The following MARCHF11 variants were observed in gnomAD, a reference collection of about 807,000 sequenced individuals.
The protein encoded by MARCHF11 is membrane associated ring-CH-type finger 11, also known as E3 ubiquitin-protein ligase MARCHF11.
In MARCHF11, 29 loss-of-function variants were observed where a neutral mutation model predicts 37.3. The observed-to-expected ratio is 0.78, with a 90% CI of 0.58 to 1.06. The LOEUF (loss-of-function observed/expected upper bound fraction) is 1.06, where lower values mean the gene tolerates loss of function less well. Among genes scored for constraint, MARCHF11 ranks in the 50% least tolerant of loss-of-function variants. The probability of loss-of-function intolerance (pLI) is 0.00; values close to 1 mark genes in which losing one functional copy is unlikely to be tolerated. For missense variants in MARCHF11, 482 were observed against 533.4 expected, an observed-to-expected ratio of 0.90 and a Z score of 0.95; for synonymous variants, 233 against 228.0, an observed-to-expected ratio of 1.02 and a Z score of -0.20.
Position 16,166,462 on chromosome 5 carries a change from T to TTACAG in MARCHF11, c.693+11263_693+11264insCTGTA, listed in dbSNP as rs1553998959. Among the ~76,000 whole-genome samples the TTACAG allele has an allele frequency of 1.1e-3, 161 of 151,682 alleles. 2 individuals carry two copies. The East Asian group carries it at 0.027, about 26-fold the overall frequency. ...ATAAAATGGATCATGTGATACTTGA[T>TTACAG]TAGAGTACATTGATATAAACTCATG... On this transcript the variant is annotated intron_variant, in intron 2 of 3. Coordinates refer to ENST00000332432, the MANE Select transcript of MARCHF11 (RefSeq NM_001102562.3).
At chr5:16,105,558 T>C (rs190255855) in intron 2 of MARCHF11, among the ~76,000 whole-genome samples, 7 of 152,248 alleles carry the variant, frequency 4.6e-5, no homozygotes, top group East Asian at 3.9e-4. Context: ...CAGGCAGAAA[T>C]GTACTGAGAT....
chr5:16,132,456 A>G (rs1009786627), intron 2 of MARCHF11, among the ~76,000 whole-genome samples: 2 of 152,202 alleles, frequency 1.3e-5, no homozygotes, highest in African/African-American at 4.8e-5. Context: ...ACCCTTCTAC[A>G]GTGCCTGACA....
At chr5:16,141,371 G>T (rs1158975418) in intron 2 of MARCHF11, 1 of 152,142 alleles carries the variant, frequency 6.6e-6, no homozygotes, top group Non-Finnish European at 1.5e-5. Flanking sequence ...AAGCCAAGAG[G>T]CATTTAGCAG....
Position 16,140,613 on chromosome 5 carries a change from A to G in MARCHF11, c.693+37113T>C, listed in dbSNP as rs1737686879. ...GGTTTTGAACCTTTCTATGAAATCG[A>G]CATAACCTCTACACCAACCCCCTAC... On this transcript the variant is annotated intron_variant, in intron 2 of 3. Transcript: ENST00000332432. Among the ~76,000 whole-genome samples the G allele has an allele frequency of 2.0e-5, 3 of 152,172 alleles. No homozygotes were observed. The South Asian group carries it at 6.2e-4, about 32-fold the overall frequency.
intron 2 of MARCHF11, among the ~76,000 whole-genome samples, chr5:16,101,028 T>C (rs530679859): frequency 6.6e-6 from 1 of 151,808 alleles, no homozygotes; most frequent in East Asian, 1.9e-4. Context: ...GACTACAGGG[T>C]ACAGAGTCCA....
intron 2 of MARCHF11, among the ~76,000 whole-genome samples, chr5:16,130,251 T>TACACACACACAC (rs56978661): frequency 1.9e-4 from 27 of 144,294 alleles, no homozygotes; most frequent in Middle Eastern, 3.2e-3. Context: ...TCCAGGTACA[T>TACACACACACAC]ACACACACAC....
chr5:16,156,017 A>T (rs760918005), intron 2 of MARCHF11, among the ~76,000 whole-genome samples: 37 of 151,972 alleles, frequency 2.4e-4, no homozygotes, highest in Non-Finnish European at 5.0e-4. Context: ...TGTTGAGATT[A>T]GCTTAAAGTA....
chr5:16,147,058 G>A (rs952997973), intron 2 of MARCHF11, among the ~76,000 whole-genome samples: 1 of 152,100 alleles, frequency 6.6e-6, no homozygotes, highest in Non-Finnish European at 1.5e-5. Context: ...TTTATCAAAA[G>A]AAAGGAATAT....
chr5:16,154,020 A>G (rs1737929282), intron 2 of MARCHF11, among the ~76,000 whole-genome samples: 1 of 151,942 alleles, frequency 6.6e-6, no homozygotes, highest in South Asian at 2.1e-4. Context: ...GGACAACGAG[A>G]TAGGAGAGCC....
At chr5:16,095,030 TAC>T (rs142436868) in intron 2 of MARCHF11, among the ~76,000 whole-genome samples, 2,554 of 152,252 alleles carry the variant, frequency 0.017, 76 homozygotes, top group African/African-American at 0.058. Context: ...GGAGCTGAGG[TAC>T]AAACCCAGGT....
At chr5:16,088,332 A>T (rs1258834423) in intron 3 of MARCHF11, among the ~76,000 whole-genome samples, 1 of 152,198 alleles carries the variant, frequency 6.6e-6, no homozygotes, top group Non-Finnish European at 1.5e-5. Flanking sequence ...TGGGGAAGGA[A>T]AGTGGGTGAC....
At chr5:16,113,582 G>A (rs949539857) in intron 2 of MARCHF11, among the ~76,000 whole-genome samples, 1 of 152,110 alleles carries the variant, frequency 6.6e-6, no homozygotes, top group South Asian at 2.1e-4. Context: ...GCTATTAAAG[G>A]AGAATAATTG....
At chr5:16,135,724 C>A (rs1460952010) in intron 2 of MARCHF11, among the ~76,000 whole-genome samples, 1 of 152,004 alleles carries the variant, frequency 6.6e-6, no homozygotes, top group Non-Finnish European at 1.5e-5. Flanking sequence ...ATGAGTAAAT[C>A]ATACTACGTA....
chr5:16,097,112 G>A (rs777165095), intron 2 of MARCHF11, among the ~76,000 whole-genome samples: 13 of 152,150 alleles, frequency 8.5e-5, no homozygotes, highest in Admixed American at 7.9e-4. Context: ...CTCTTAAGAG[G>A]TGTCCTCTTC....
In MARCHF11 at chr5:16,179,151, C is replaced by A. The variant is rs1579431355; in HGVS notation, c.425G>T (p.Arg142Leu). Residue 142 changes from arginine (R) to leucine (L), a missense_variant, in exon 1 of 4, where the codon CGC becomes CTC. By Grantham distance (102) the Arg-to-Leu change is moderately radical (BLOSUM62 -2). Coordinates refer to ENST00000332432, the MANE Select transcript of MARCHF11 (RefSeq NM_001102562.3). ...GCTGCTGCGGCTGCTGCACACCGAGCGCGTCTCGGGCTGGTCTCCGGCGCC... is the reference window on the plus strand; with the variant it reads ...GCTGCTGCGGCTGCTGCACACCGAGAGCGTCTCGGGCTGGTCTCCGGCGCC... ...RRGAGDQPET[R>L]SVCSSRSSSS... The A allele has an allele frequency of 6.8e-6, 10 of 1,470,024 alleles. No homozygotes were observed. The highest frequency in any genetic ancestry group is 7.2e-6 in the Non-Finnish European group (8 of 1,117,566). 91.1% of individuals were successfully genotyped at this position (1,470,024 alleles called of 1,614,324 possible). A position where few individuals can be genotyped will look rare whatever the true frequency, so the allele number is the denominator to read the frequency against.
intron 2 of MARCHF11, among the ~76,000 whole-genome samples, chr5:16,111,683 G>C (rs983146809): frequency 6.6e-6 from 1 of 152,204 alleles, no homozygotes; most frequent in African/African-American, 2.4e-5. Context: ...GCAGAAAGTT[G>C]CATAAGTAAC....
At chr5:16,166,980 GAACATACAACGATGTTCATTTACTTA>G (rs1160997850) in intron 2 of MARCHF11, among the ~76,000 whole-genome samples, 12 of 3,906 alleles carry the variant, frequency 3.1e-3, no homozygotes, top group Admixed American at 8.3e-3. Flanking sequence ...ATTTACTTAT[GAACATACAACGATGTTCATTTACTTA>G]TGAACATACA....
chr5:16,108,760 C>A (rs1737088587), intron 2 of MARCHF11, among the ~76,000 whole-genome samples: 1 of 152,142 alleles, frequency 6.6e-6, no homozygotes, highest in Non-Finnish European at 1.5e-5. Flanking sequence ...CAGAACAAGA[C>A]CAGTTTATCT....
At chr5:16,110,692 T>TTGA (rs1319393000) in intron 2 of MARCHF11, among the ~76,000 whole-genome samples, 1 of 152,250 alleles carries the variant, frequency 6.6e-6, no homozygotes, top group African/African-American at 2.4e-5. Flanking sequence ...ATTATCATTA[T>TTGA]TGATAGCAGA....
Sources: gnomAD v4.1 joint callset for allele counts (sites outside exome capture counted in the v4.1 genomes callset) on GRCh38, gnomAD v4.1.1 for gene constraint, MANE v1.5 for transcripts, NCBI Gene and HGNC (gene_info 2026-07-23, HGNC 2026-07-21) for gene names.